KCNQ1: variants seen among roughly 807,000 people sequenced by gnomAD.
KCNQ1 encodes the protein potassium voltage-gated channel subfamily KQT member 1.
Under a neutral mutation model 72.4 loss-of-function variants are expected in KCNQ1, and 49 were observed. The observed-to-expected ratio is 0.68, with a 90% CI of 0.54 to 0.86. The LOEUF (loss-of-function observed/expected upper bound fraction) is 0.86, where lower values mean the gene tolerates loss of function less well. Among genes scored for constraint, KCNQ1 ranks in the 40% least tolerant of loss-of-function variants. KCNQ1 has a pLI of 0.00. For synonymous variants in KCNQ1, 450 were observed against 412.6 expected, an observed-to-expected ratio of 1.09 and a Z score of -1.10; for missense variants, 790 against 945.1, an observed-to-expected ratio of 0.84 and a Z score of 2.15.
At position 2,598,411 on chromosome 11, in the gene KCNQ1, A is replaced by C. The variant is rs538620322; in HGVS notation, c.1393+9557A>C. ...CCTATGAAGTCTCCACTTTTTTTAA[A>C]ATGAAGATTTTCTTTGTCTCCAAGT... On this transcript the variant is annotated intron_variant, in intron 10 of 15. Transcript: ENST00000155840. The surrounding 1 kb of genome is among the most constrained non-coding windows in gnomAD (Gnocchi z 6.2). Among the ~76,000 whole-genome samples the C allele has an allele frequency of 2.0e-4, 31 of 152,220 alleles. No individual in the cohort carries two copies. The highest frequency in any genetic ancestry group is 7.5e-4 in the African/African-American group (31 of 41,530).
chr11:2,821,726 C>T (rs1847741818), intron 15 of KCNQ1, among the ~76,000 whole-genome samples: 1 of 152,258 alleles, frequency 6.6e-6, no homozygotes, highest in African/African-American at 2.4e-5. Flanking sequence ...CATGACATCT[C>T]CCCACCTTTT....
chr11:2,512,589 G>A (rs1847228145), intron 1 of KCNQ1, among the ~76,000 whole-genome samples: 1 of 152,232 alleles, frequency 6.6e-6, no homozygotes, highest in African/African-American at 2.4e-5. Context: ...CCGGGGATGT[G>A]CAGCCCTGCC....
rs1463921240 is a variant in KCNQ1, at chr11:2,513,587, G to A, written c.387-14341G>A. Among the ~76,000 whole-genome samples the A allele has an allele frequency of 2.0e-5, 3 of 152,208 alleles. No homozygotes were observed. The East Asian group carries it at 5.8e-4, about 29-fold the overall frequency. On this transcript the variant is annotated intron_variant, in intron 1 of 15. Transcript: ENST00000155840. ...AGTTCCACAGGCACCAGTCCACCAT[G>A]CTGGGGCCTACTGGGAGAGACAGCC...
At chr11:2,487,449 A>G (rs1330046999) in intron 1 of KCNQ1, among the ~76,000 whole-genome samples, 1 of 152,218 alleles carries the variant, frequency 6.6e-6, no homozygotes, top group African/African-American at 2.4e-5. Context: ...CACTGAATCT[A>G]TAAATCACTT....
chr11:2,462,381 C>G lies in KCNQ1; in HGVS notation c.386+16897C>G, dbSNP rs1186694499. On this transcript the variant is annotated intron_variant, in intron 1 of 15. Coordinates refer to ENST00000155840, the MANE Select transcript of KCNQ1 (RefSeq NM_000218.3). The surrounding 1 kb of genome is among the most constrained non-coding windows in gnomAD (Gnocchi z 8.2). ...GACTTGCCTCCTCTCTCTGACGGGC[C>G]TGCTCCTGAGCTTGACACCTGCCTG... 6.6e-6 allele frequency among the ~76,000 whole-genome samples: 1 copy of G among 152,216 alleles called. No individual in the cohort carries two copies. The highest frequency in any genetic ancestry group is 2.4e-5 in the African/African-American group (1 of 41,468).
intron 10 of KCNQ1, chr11:2,615,942 A>G (rs1849055338): frequency 5.0e-6 from 2 of 397,994 alleles, no homozygotes. Context: ...ATTGGTGTGA[A>G]TTCTTCAAGT....
intron 11 of KCNQ1, among the ~76,000 whole-genome samples, chr11:2,753,248 T>C (rs1050961838): frequency 1.3e-5 from 2 of 151,964 alleles, no homozygotes; most frequent in African/African-American, 4.8e-5. Flanking sequence ...AGTCTGTCCC[T>C]CGGAAAGCCC....
intron 11 of KCNQ1, among the ~76,000 whole-genome samples, chr11:2,760,825 G>A (rs1846381238): frequency 6.6e-6 from 1 of 152,194 alleles, no homozygotes; most frequent in Admixed American, 6.5e-5. Flanking sequence ...CTTCTTCAGT[G>A]CCCCACTACT....
At chr11:2,699,277 C>T (rs78369463) in intron 11 of KCNQ1, 5 of 398,792 alleles carry the variant, frequency 1.3e-5, no homozygotes, top group South Asian at 1.3e-4. Context: ...CCAGGCCAGG[C>T]TGCACTGCTG....
rs117147268 is a variant in KCNQ1 at position 2,574,926 on chromosome 11, C to T, written c.921+1940C>T. 1.3e-3 allele frequency among the ~76,000 whole-genome samples: 199 copies of T among 152,232 alleles called. 1 individual carries two copies. Among genetic ancestry groups the T allele is most frequent in the Non-Finnish European group, 2.5e-3 (167 of 68,000 alleles). ...TGGGCAGCAGGGCCCAGCCCCCCTG[C>T]GGGAGCCTGCCTGCAGTGAGTGTGG... On this transcript the variant is annotated intron_variant, in intron 6 of 15. Coordinates refer to ENST00000155840, the MANE Select transcript of KCNQ1 (RefSeq NM_000218.3).
At chr11:2,546,988 T>G (rs1364948524) in intron 2 of KCNQ1, among the ~76,000 whole-genome samples, 2 of 152,264 alleles carry the variant, frequency 1.3e-5, no homozygotes, top group Non-Finnish European at 2.9e-5. Flanking sequence ...TTTGTGTCTT[T>G]AGACTCAAAA....
intron 1 of KCNQ1, among the ~76,000 whole-genome samples, chr11:2,448,137 C>T (rs1368095131): frequency 1.3e-5 from 2 of 152,236 alleles, no homozygotes; most frequent in Non-Finnish European, 2.9e-5. Flanking sequence ...GGTCCTAGCT[C>T]CCTTGCTGTG....
intron 1 of KCNQ1, chr11:2,521,502 C>A (rs1847381778): frequency 4.3e-6 from 2 of 470,392 alleles, no homozygotes; most frequent in Admixed American, 2.3e-5. Flanking sequence ...AGCATACGGT[C>A]ACGAGAGTGC....
At chr11:2,480,679 A>T (rs1846637627) in intron 1 of KCNQ1, among the ~76,000 whole-genome samples, 1 of 152,256 alleles carries the variant, frequency 6.6e-6, no homozygotes, top group African/African-American at 2.4e-5. Context: ...TGGCTGCAAT[A>T]GCCAGTGTCT....
At chr11:2,453,981 G>T (rs1359742604) in intron 1 of KCNQ1, among the ~76,000 whole-genome samples, 1 of 152,024 alleles carries the variant, frequency 6.6e-6, no homozygotes, top group Admixed American at 6.5e-5. Flanking sequence ...TGTTGGCAAG[G>T]GTGGTCTTGA....
In KCNQ1 at chr11:2,473,802, G is replaced by A. The variant is rs550569125; in HGVS notation, c.386+28318G>A. ...CTGCACAGGTAGGGCCATGGGGCCCGCTGGCCAGGGTGGCCATTGCTCAGT... is the reference window on the plus strand; with the variant it reads ...CTGCACAGGTAGGGCCATGGGGCCCACTGGCCAGGGTGGCCATTGCTCAGT... On this transcript the variant is annotated intron_variant, in intron 1 of 15. Coordinates refer to ENST00000155840, the MANE Select transcript of KCNQ1 (RefSeq NM_000218.3). This position sits in a 1 kb window ranked among gnomAD's most constrained non-coding sequence, Gnocchi z 6.0. 3.3e-5 allele frequency among the ~76,000 whole-genome samples: 5 copies of A among 152,352 alleles called. No homozygotes were observed. The highest frequency in any genetic ancestry group is 4.1e-4 in the South Asian group (2 of 4,832).
rs1849646629 is a variant in KCNQ1 at position 2,645,098 on chromosome 11, G to A, written c.1394-16863G>A. Reference sequence around the variant, plus strand: ...CAGGGTGGGTAGGTCCTTGAGCTCTGAGCAGCAGATATGGCTTGGGCAATG... The same window carrying A: ...CAGGGTGGGTAGGTCCTTGAGCTCTAAGCAGCAGATATGGCTTGGGCAATG... On this transcript the variant is annotated intron_variant, in intron 10 of 15. Coordinates refer to ENST00000155840, the MANE Select transcript of KCNQ1 (RefSeq NM_000218.3). The surrounding 1 kb of genome is among the most constrained non-coding windows in gnomAD (Gnocchi z 5.8). 2.5e-6 allele frequency: 1 copy of A among 398,644 alleles called. No homozygotes were observed. The highest frequency in any genetic ancestry group is 4.4e-6 in the Non-Finnish European group (1 of 226,104). The allele number at this position is 398,644 out of a possible 1,614,324, so 24.7% of individuals were successfully genotyped here. A position where few individuals can be genotyped will look rare whatever the true frequency, so the allele number is the denominator to read the frequency against.
intron 15 of KCNQ1, among the ~76,000 whole-genome samples, chr11:2,791,502 C>T (rs1430567445): frequency 6.6e-6 from 1 of 152,310 alleles, no homozygotes; most frequent in East Asian, 1.9e-4. Context: ...GTGGCTTGGT[C>T]ACCATCAAAA....
intron 10 of KCNQ1, chr11:2,641,893 T>A (rs1564842616): frequency 2.5e-5 from 10 of 398,506 alleles, no homozygotes; most frequent in Non-Finnish European, 4.4e-5. Flanking sequence ...GAGGGTGCTC[T>A]TTTCCCAGTG....
Sources: allele counts gnomAD v4.1 joint callset (sites outside exome capture counted in the v4.1 genomes callset), GRCh38; gene constraint gnomAD v4.1.1; non-coding constraint Gnocchi (gnomAD v3.1); transcripts MANE v1.5; gene names NCBI Gene and HGNC (gene_info 2026-07-23, HGNC 2026-07-21).